Variants in KCNIP4 observed in about 807,000 individuals in gnomAD.
KCNIP4 encodes Kv channel-interacting protein 4.
KCNIP4 carries 12 observed loss-of-function variants against 34.0 expected under a neutral mutation model. That is an observed-to-expected ratio of 0.35 (90% CI 0.23 to 0.57). The LOEUF is 0.57. KCNIP4 is among the 20% of genes least tolerant of loss of function. The probability of loss-of-function intolerance (pLI) is 0.83; values close to 1 mark genes in which losing one functional copy is unlikely to be tolerated. For synonymous variants in KCNIP4, 124 were observed against 102.2 expected (o/e 1.21, Z -1.29); for missense variants, 238 against 311.7 (o/e 0.76, Z 1.78).
chr4:20,919,246 A>G (rs1729142333), intron 1 of KCNIP4, among the ~76,000 whole-genome samples: 2 of 152,152 alleles, frequency 1.3e-5, no homozygotes, highest in Admixed American at 1.3e-4. Flanking sequence ...AGAGGCTCTC[A>G]TGTTCTCATT....
At chr4:21,061,064 T>A (rs1743875656) in intron 1 of KCNIP4, among the ~76,000 whole-genome samples, 1 of 152,044 alleles carries the variant, frequency 6.6e-6, no homozygotes, top group Admixed American at 6.6e-5. Flanking sequence ...GTAGGAAAAA[T>A]TAGATTTCTA....
At chr4:21,475,285 C>T (rs747924247) in intron 1 of KCNIP4, among the ~76,000 whole-genome samples, 6 of 152,136 alleles carry the variant, frequency 3.9e-5, no homozygotes, top group Non-Finnish European at 7.3e-5. Flanking sequence ...CCCAAAGGTA[C>T]ACTGAGTTGT....
At chr4:21,786,493 T>G (rs1182466369) in intron 1 of KCNIP4, among the ~76,000 whole-genome samples, 1 of 150,028 alleles carries the variant, frequency 6.7e-6, no homozygotes, top group Non-Finnish European at 1.5e-5. Flanking sequence ...GTGTAGCTGT[T>G]GTACCCAGGC....
At chr4:21,713,445 T>C (rs973490901) in intron 1 of KCNIP4, among the ~76,000 whole-genome samples, 5 of 152,182 alleles carry the variant, frequency 3.3e-5, no homozygotes, top group African/African-American at 1.2e-4. Flanking sequence ...TATAGAAATA[T>C]ATCTGCACTC....
chr4:21,494,636 G>T (rs113451285), intron 1 of KCNIP4, among the ~76,000 whole-genome samples: 31,264 of 151,798 alleles, frequency 0.21, 3,631 homozygotes, highest in Non-Finnish European at 0.27. Flanking sequence ...AGCCTGGCAT[G>T]GTGGTGCATG....
chr4:21,042,168 T>C (rs1231988958), intron 1 of KCNIP4, among the ~76,000 whole-genome samples: 1 of 152,134 alleles, frequency 6.6e-6, no homozygotes, highest in African/African-American at 2.4e-5. Context: ...CAAAGGAAGG[T>C]CATCCAGCAA....
At chr4:21,427,430 C>A (rs1294418767) in intron 1 of KCNIP4, among the ~76,000 whole-genome samples, 2 of 151,910 alleles carry the variant, frequency 1.3e-5, no homozygotes, top group African/African-American at 2.4e-5. Context: ...GGGACCATAC[C>A]AATGGTTGGG....
intron 3 of KCNIP4, among the ~76,000 whole-genome samples, chr4:20,810,018 A>G (rs1000951725): frequency 6.6e-6 from 1 of 152,068 alleles, no homozygotes; most frequent in Non-Finnish European, 1.5e-5. Flanking sequence ...TGCACATGAA[A>G]CCTGTGTAAA....
At position 21,106,163 on chromosome 4, in the gene KCNIP4, A is replaced by G. The variant is rs987143795; in HGVS notation, c.62-223454T>C. 2.8e-4 allele frequency among the ~76,000 whole-genome samples: 43 copies of G among 151,662 alleles called. 1 individual carries two copies. The highest frequency in any genetic ancestry group is 2.4e-3 in the Admixed American group (36 of 15,276). ...TTTCTATTGATTGGAATAGTTTCAGAAGGAATGGTACCAGTTCCTCCTTGT... is the reference window on the plus strand; with the variant it reads ...TTTCTATTGATTGGAATAGTTTCAGGAGGAATGGTACCAGTTCCTCCTTGT... On this transcript the variant is annotated intron_variant, in intron 1 of 8. Coordinates refer to ENST00000382152, the MANE Select transcript of KCNIP4 (RefSeq NM_025221.6).
chr4:20,937,442 G>A (rs941375201), intron 1 of KCNIP4, among the ~76,000 whole-genome samples: 1 of 150,986 alleles, frequency 6.6e-6, no homozygotes, highest in African/African-American at 2.4e-5. Flanking sequence ...CACCATGTTA[G>A]CCAGGATGGT....
chr4:21,944,045 C>T (rs2109022698), intron 1 of KCNIP4, among the ~76,000 whole-genome samples: 1 of 151,212 alleles, frequency 6.6e-6, no homozygotes, highest in East Asian at 2.0e-4. Flanking sequence ...GACATACTGA[C>T]TTTAAGGTGC....
chr4:21,068,200 C>A (rs1207345375), intron 1 of KCNIP4, among the ~76,000 whole-genome samples: 1 of 152,108 alleles, frequency 6.6e-6, no homozygotes, highest in Admixed American at 6.6e-5. Context: ...CAATTTCTTT[C>A]CCTTTTTCTG....
At chr4:21,570,069 G>A (rs932943607) in intron 1 of KCNIP4, among the ~76,000 whole-genome samples, 2 of 152,142 alleles carry the variant, frequency 1.3e-5, no homozygotes, top group African/African-American at 4.8e-5. Flanking sequence ...AATGGAGAGG[G>A]AGACCCAACC....
chr4:21,494,773 T>TA (rs34162922), intron 1 of KCNIP4, among the ~76,000 whole-genome samples: 20,802 of 111,566 alleles, frequency 0.19, 1,747 homozygotes, highest in Admixed American at 0.28. Flanking sequence ...TCAGACTGTG[T>TA]AAAAAAAAAA....
chr4:21,574,256 T>A (rs1740574626), intron 1 of KCNIP4, among the ~76,000 whole-genome samples: 1 of 152,222 alleles, frequency 6.6e-6, no homozygotes, highest in African/African-American at 2.4e-5. Context: ...TACAATTTCA[T>A]TTTCATTTTC....
chr4:20,923,178 G>T (rs1368752100), intron 1 of KCNIP4, among the ~76,000 whole-genome samples: 1 of 152,088 alleles, frequency 6.6e-6, no homozygotes, highest in African/African-American at 2.4e-5. Context: ...CTAAAAGTTT[G>T]TCTTTGTTTC....
intron 1 of KCNIP4, among the ~76,000 whole-genome samples, chr4:21,472,082 C>T (rs1322888287): frequency 6.6e-6 from 1 of 152,042 alleles, no homozygotes; most frequent in Non-Finnish European, 1.5e-5. Context: ...TTGAAGTTAA[C>T]CAGAAATTCC....
chr4:20,730,004 C>A lies in KCNIP4; in HGVS notation c.*78G>T. 1 of 1,514,134 alleles carries A rather than the reference C, an allele frequency of 6.6e-7. No homozygotes were observed. Among genetic ancestry groups the A allele is most frequent in the Non-Finnish European group, 8.9e-7 (1 of 1,126,344 alleles). The allele number at this position is 1,514,134 out of a possible 1,614,324, so 93.8% of individuals were successfully genotyped here. On this transcript the variant is annotated 3_prime_UTR_variant, in exon 9 of 9. Coordinates refer to ENST00000382152, the MANE Select transcript of KCNIP4 (RefSeq NM_025221.6). ...TCAGTGTCAAGCTGAGCAATCTATG[C>A]TAAAAGTGGTAGCTCCAACTTTAAG... is the stretch of plus-strand genomic sequence containing the variant.
intron 1 of KCNIP4, among the ~76,000 whole-genome samples, chr4:21,086,686 T>C (rs950905169): frequency 3.9e-5 from 6 of 152,152 alleles, no homozygotes; most frequent in East Asian, 3.9e-4. Flanking sequence ...GTTCTTCTCC[T>C]AGCCAAGAAA....
Sources: allele counts gnomAD v4.1 joint callset (sites outside exome capture counted in the v4.1 genomes callset), GRCh38; gene constraint gnomAD v4.1.1; transcripts MANE v1.5; gene names NCBI Gene and HGNC (gene_info 2026-07-23, HGNC 2026-07-21).